ZNF644: variants seen among roughly 807,000 people sequenced by gnomAD.
ZNF644 encodes the protein zinc finger protein 644.
A neutral mutation model predicts 108.0 loss-of-function variants in ZNF644; 20 were observed. The observed-to-expected ratio is 0.19, with a 90% CI of 0.13 to 0.27. The LOEUF is 0.27. Among genes scored for constraint, ZNF644 ranks in the 10% least tolerant of loss-of-function variants. ZNF644 has a pLI of 1.00. For missense variants in ZNF644, 1,338 were observed against 1,548.9 expected (o/e 0.86, Z 2.29); for synonymous variants, 542 against 539.1 (o/e 1.01, Z -0.08).
At chr1:90,968,096 T>G (rs1241686477) in intron 2 of ZNF644, among the ~76,000 whole-genome samples, 1 of 151,694 alleles carries the variant, frequency 6.6e-6, no homozygotes, top group Non-Finnish European at 1.5e-5. Flanking sequence ...CAAGCTTATT[T>G]TAATATTCAA....
chr1:90,996,888 C>T (rs113372101), intron 1 of ZNF644, among the ~76,000 whole-genome samples: 4 of 152,274 alleles, frequency 2.6e-5, no homozygotes, highest in African/African-American at 9.6e-5. Flanking sequence ...TTATTTAACA[C>T]ATCTGGTGGT....
chr1:91,004,191 A>G (rs1386394739), intron 1 of ZNF644, among the ~76,000 whole-genome samples: 1 of 152,108 alleles, frequency 6.6e-6, no homozygotes, highest in Non-Finnish European at 1.5e-5. Flanking sequence ...GATGAAAAGC[A>G]TTAACCTAAA....
intron 2 of ZNF644, among the ~76,000 whole-genome samples, chr1:90,980,107 T>C (rs1214679941): frequency 6.6e-6 from 1 of 152,178 alleles, no homozygotes; most frequent in Admixed American, 6.5e-5. Context: ...GGTCAATGTT[T>C]AACAAAACAT....
At position 90,915,909 on chromosome 1, in the gene ZNF644, G is replaced by C. The variant is rs993461332; in HGVS notation, c.*889C>G. 6.6e-6 allele frequency: 1 copy of C among 151,626 alleles called. No individual in the cohort carries two copies. The highest frequency in any genetic ancestry group is 2.5e-5 in the African/African-American group (1 of 40,568). The allele number at this position is 151,626 out of a possible 1,614,324, so 9.4% of individuals were successfully genotyped here. On this transcript the variant is annotated 3_prime_UTR_variant, in exon 6 of 6. Coordinates refer to ENST00000337393, the MANE Select transcript of ZNF644 (RefSeq NM_201269.3). ...TTACATTTCTACAATGTTAAATAAA[G>C]TAAGAGGCAAACCTGTCCTGTAAGC...
At chr1:90,997,654 G>A (rs1658283357) in intron 1 of ZNF644, among the ~76,000 whole-genome samples, 1 of 152,152 alleles carries the variant, frequency 6.6e-6, no homozygotes, top group African/African-American at 2.4e-5. Flanking sequence ...GGTGATTTCT[G>A]CGTTTCCAAT....
intron 1 of ZNF644, among the ~76,000 whole-genome samples, chr1:91,005,493 G>A (rs1195647361): frequency 6.6e-5 from 10 of 152,144 alleles, no homozygotes; most frequent in African/African-American, 1.9e-4. Context: ...CAACAGCAGA[G>A]TAAGGAATGT....
intron 2 of ZNF644, among the ~76,000 whole-genome samples, chr1:90,948,046 T>C (rs1192331543): frequency 6.6e-6 from 1 of 152,166 alleles, no homozygotes; most frequent in Non-Finnish European, 1.5e-5. Context: ...GATAAATATA[T>C]GTGCATATGG....
intron 4 of ZNF644, among the ~76,000 whole-genome samples, chr1:90,929,003 G>C (rs1650404701): frequency 6.6e-6 from 1 of 151,992 alleles, no homozygotes; most frequent in African/African-American, 2.4e-5. Flanking sequence ...AACAGTCTTG[G>C]TACAAGAACT....
chr1:91,010,282 C>T (rs184233931), intron 1 of ZNF644, among the ~76,000 whole-genome samples: 153 of 149,532 alleles, frequency 1.0e-3, no homozygotes, highest in Non-Finnish European at 1.7e-3. Flanking sequence ...CTCTGTTGCC[C>T]AGGCTGAGTG....
chr1:91,019,481 T>C (rs1365631750), intron 1 of ZNF644, among the ~76,000 whole-genome samples: 1 of 152,242 alleles, frequency 6.6e-6, no homozygotes, highest in African/African-American at 2.4e-5. Flanking sequence ...AACATTGCTC[T>C]GAAACTATCT....
At chr1:90,965,312 A>T (rs1654746367) in intron 2 of ZNF644, among the ~76,000 whole-genome samples, 1 of 151,930 alleles carries the variant, frequency 6.6e-6, no homozygotes, top group Non-Finnish European at 1.5e-5. Flanking sequence ...GCCTGTAGAG[A>T]GCCATCTTTT....
chr1:90,964,822 T>C (rs900357777), intron 2 of ZNF644, among the ~76,000 whole-genome samples: 1 of 152,198 alleles, frequency 6.6e-6, no homozygotes, highest in Non-Finnish European at 1.5e-5. Context: ...GAGTTGTGCA[T>C]ATTATCTTGT....
chr1:90,989,329 G>A (rs1258979811), intron 1 of ZNF644, among the ~76,000 whole-genome samples: 2 of 151,666 alleles, frequency 1.3e-5, no homozygotes, highest in African/African-American at 4.8e-5. Flanking sequence ...TGGGAGGATC[G>A]CTTGAGCTCA....
At chr1:91,013,031 G>C (rs1660103165) in intron 1 of ZNF644, among the ~76,000 whole-genome samples, 1 of 151,978 alleles carries the variant, frequency 6.6e-6, no homozygotes, top group Non-Finnish European at 1.5e-5. Context: ...ATTTTCTGTA[G>C]TGTCATATTA....
At chr1:90,931,549 A>C (rs1650728690) in intron 4 of ZNF644, among the ~76,000 whole-genome samples, 1 of 152,138 alleles carries the variant, frequency 6.6e-6, no homozygotes, top group Admixed American at 6.5e-5. Flanking sequence ...ATTATCTACA[A>C]GTGAAGACAC....
intron 2 of ZNF644, among the ~76,000 whole-genome samples, chr1:90,943,397 C>T (rs757427018): frequency 1.3e-5 from 2 of 152,184 alleles, no homozygotes; most frequent in Non-Finnish European, 2.9e-5. Context: ...GCCAAGATTG[C>T]GCCATTGCAC....
Position 90,938,947 on chromosome 1 carries a change from G to A in ZNF644, c.2407C>T (p.His803Tyr). ...ACTCTCTTTACAGCTACACGTCTGT[G>A]ATCTTTGAAGCTTTCAGGCCTTTTG... The part of the protein sequence containing the change: ...DAKRPESFKD[H>Y]RRVAVKRVIK... The change falls in exon 3 of 6, where the codon CAC (histidine) becomes TAC (tyrosine). Residue 803 changes from histidine (H) to tyrosine (Y), a missense_variant. Coordinates refer to ENST00000337393, the MANE Select transcript of ZNF644 (RefSeq NM_201269.3). The surrounding 1 kb of genome is among the most constrained non-coding windows in gnomAD (Gnocchi z 4.2). 3 of 1,613,972 alleles carry A rather than the reference G, an allele frequency of 1.9e-6. No homozygotes were observed. The highest frequency in any genetic ancestry group is 2.5e-6 in the Non-Finnish European group (3 of 1,179,946).
At chr1:90,935,721 A>G (rs994098818) in intron 4 of ZNF644, among the ~76,000 whole-genome samples, 5 of 152,220 alleles carry the variant, frequency 3.3e-5, no homozygotes, top group Non-Finnish European at 7.3e-5. Context: ...GAGTCAACTC[A>G]TGCTCTTTGG....
At chr1:90,976,122 T>C (rs1415898501) in intron 2 of ZNF644, among the ~76,000 whole-genome samples, 2 of 152,192 alleles carry the variant, frequency 1.3e-5, no homozygotes, top group Non-Finnish European at 2.9e-5. Flanking sequence ...TACGAAATAA[T>C]GTCTAGCAAC....
Sources: allele counts gnomAD v4.1 joint callset (sites outside exome capture counted in the v4.1 genomes callset), GRCh38; gene constraint gnomAD v4.1.1; non-coding constraint Gnocchi (gnomAD v3.1); transcripts MANE v1.5; gene names NCBI Gene and HGNC (gene_info 2026-07-23, HGNC 2026-07-21).